The following ZFC3H1 variants were observed in gnomAD, a reference collection of about 807,000 sequenced individuals.
ZFC3H1 encodes the protein zinc finger C3H1-type containing.
ZFC3H1 carries 71 observed loss-of-function variants against 243.7 expected under a neutral mutation model. The ratio of observed to expected loss-of-function variants is 0.29; its 90% CI spans 0.24 to 0.36. The LOEUF is 0.36. ZFC3H1 is among the 10% of genes least tolerant of loss of function. ZFC3H1 has a pLI of 1.00. For missense variants in ZFC3H1, 1,966 were observed against 2,317.1 expected, an observed-to-expected ratio of 0.85 and a Z score of 3.11; for synonymous variants, 838 against 813.0, an observed-to-expected ratio of 1.03 and a Z score of -0.52.
Position 71,630,738 on chromosome 12 carries a change from C to A in ZFC3H1, c.3603-17G>T, listed in dbSNP as rs1592591487. On this transcript the variant is annotated splice_polypyrimidine_tract_variant and intron_variant, in intron 17 of 34. Coordinates refer to ENST00000378743, the MANE Select transcript of ZFC3H1 (RefSeq NM_144982.5). ...ATATGCTGCCTAAGATAAAAAAAAA[C>A]ACAGAAAAGATAATCATGTACATAT... The A allele has an allele frequency of 1.9e-6, 3 of 1,602,540 alleles. No individual in the cohort carries two copies. Among genetic ancestry groups the A allele is most frequent in the East Asian group, 4.5e-5 (2 of 44,740 alleles).
intron 27 of ZFC3H1, among the ~76,000 whole-genome samples, chr12:71,619,025 T>C (rs191517310): frequency 2.5e-4 from 38 of 152,292 alleles, no homozygotes; most frequent in Non-Finnish European, 4.4e-4. Context: ...TGCTATAATA[T>C]TAAGTACTAA....
intron 24 of ZFC3H1, among the ~76,000 whole-genome samples, chr12:71,623,061 T>C (rs1018809591): frequency 6.6e-6 from 1 of 152,166 alleles, no homozygotes; most frequent in Middle Eastern, 3.2e-3. Context: ...GTTCTCTGAT[T>C]TAATCAATTC....
chr12:71,633,859 T>C (rs1040869433), intron 12 of ZFC3H1, among the ~76,000 whole-genome samples: 1 of 152,192 alleles, frequency 6.6e-6, no homozygotes, highest in Admixed American at 6.5e-5. Flanking sequence ...GGTTTCACCG[T>C]GTTGGCCAGG....
rs117559320 is a variant in ZFC3H1 at position 71,624,390 on chromosome 12, T to A, written c.4318-98A>T. ...CATTAAGAAACCATCTCATAGTAAA[T>A]CTTCAACTTCTGCAAAAAGGATTAC... On this transcript the variant is annotated intron_variant, in intron 22 of 34. Coordinates refer to ENST00000378743, the MANE Select transcript of ZFC3H1 (RefSeq NM_144982.5). 5,372 of 1,259,026 alleles carry A rather than the reference T, an allele frequency of 4.3e-3. 27 individuals are homozygous for A. The highest frequency in any genetic ancestry group is 5.3e-3 in the Non-Finnish European group (4,829 of 918,530). The allele number at this position is 1,259,026 out of a possible 1,614,324, so 78.0% of individuals were successfully genotyped here.
chr12:71,625,571 G>A (rs1166288684), intron 22 of ZFC3H1, among the ~76,000 whole-genome samples: 1 of 152,058 alleles, frequency 6.6e-6, no homozygotes, highest in Admixed American at 6.6e-5. Flanking sequence ...ACGCATGTGT[G>A]GCCCCAGCTT....
chr12:71,634,743 T>A lies in ZFC3H1; in HGVS notation c.2321A>T (p.Lys774Met). The change falls in exon 11 of 35, where the codon AAG becomes ATG. Residue 774 changes from lysine (K) to methionine (M), a missense_variant. By Grantham distance (95) the Lys-to-Met change is moderately conservative (BLOSUM62 -1). Around this residue, in one of 4 missense-constraint regions of ZFC3H1, gnomAD observed 1,383 missense variants for 1,723.7 expected, o/e 0.80. Transcript: ENST00000378743. ...CTTTAACAATCTATATTCAATCTTCTTTTCTTCAGGCAAAGCCTCCGGTGT... is the reference window on the plus strand; with the variant it reads ...CTTTAACAATCTATATTCAATCTTCATTTCTTCAGGCAAAGCCTCCGGTGT... ...LRTPEALPEEKKIEYRLLKEE... is the reference protein window; with the variant it reads ...LRTPEALPEEMKIEYRLLKEE... 1 of 1,606,440 alleles carries A rather than the reference T, an allele frequency of 6.2e-7. No individual in the cohort carries two copies. The highest frequency in any genetic ancestry group is 8.5e-7 in the Non-Finnish European group (1 of 1,177,358).
intron 21 of ZFC3H1, among the ~76,000 whole-genome samples, chr12:71,627,484 T>C (rs1291229554): frequency 1.3e-5 from 2 of 152,214 alleles, no homozygotes; most frequent in Non-Finnish European, 2.9e-5. Context: ...CTGTTTTAAC[T>C]AATCCTACTT....
chr12:71,636,525 G>C lies in ZFC3H1; in HGVS notation c.2065C>G (p.His689Asp). ...GTTCGTGGAAGACGGGGTCCTCTGT[G>C]AAACTTTGGATTCTGTATCCTAGGC... is the stretch of plus-strand genomic sequence containing the variant. ...SQPRIQNPKF[H>D]RGPRLPRTVI... The change falls in exon 9 of 35, where the codon CAC (histidine) becomes GAC (aspartate). Residue 689 changes from histidine to aspartate, a missense_variant. This residue lies in a region of ZFC3H1 where 1,383 missense variants were observed against 1,723.7 expected (regional missense o/e 0.80). Transcript: ENST00000378743. The C allele has an allele frequency of 6.2e-7, 1 of 1,609,536 alleles. No homozygotes were observed. Among genetic ancestry groups the C allele is most frequent in the Non-Finnish European group, 8.5e-7 (1 of 1,178,260 alleles).
intron 2 of ZFC3H1, among the ~76,000 whole-genome samples, chr12:71,650,467 TTG>T (rs1395101710): frequency 2.6e-5 from 4 of 151,770 alleles, no homozygotes; most frequent in African/African-American, 9.7e-5. Context: ...AACACTGTTC[TTG>T]TCACACAGTA....
chr12:71,626,276 T>C lies in ZFC3H1; in HGVS notation c.4301A>G (p.Tyr1434Cys). ...CETAVEYAPD[Y>C]QSFWTFLHLE... ...TCTACTCACAGTCCAAAAGCTTTGA[T>C]AATCTGGAGCATATTCAACAGCTGT... Residue 1434 changes from tyrosine (Y) to cysteine (C), a missense_variant, in exon 22 of 35, where the codon TAT (tyrosine) becomes TGT (cysteine). Around this residue, in one of 4 missense-constraint regions of ZFC3H1, gnomAD observed 1,383 missense variants for 1,723.7 expected, o/e 0.80. Transcript: ENST00000378743. 4.3e-6 allele frequency: 7 copies of C among 1,613,908 alleles called. No individual in the cohort carries two copies. The highest frequency in any genetic ancestry group is 5.9e-6 in the Non-Finnish European group (7 of 1,179,948).
chr12:71,655,821 G>GA (rs1881002080), intron 2 of ZFC3H1, among the ~76,000 whole-genome samples: 1 of 151,396 alleles, frequency 6.6e-6, no homozygotes, highest in African/African-American at 2.4e-5. Context: ...AGGAAAAAGA[G>GA]GGGGGGGAAA....
chr12:71,617,935 C>T (rs1289575483), intron 27 of ZFC3H1, among the ~76,000 whole-genome samples: 1 of 152,022 alleles, frequency 6.6e-6, no homozygotes, highest in Admixed American at 6.6e-5. Flanking sequence ...GGAATAGTGT[C>T]CCCAAATCTT....
At chr12:71,656,653 T>A (rs954898666) in intron 2 of ZFC3H1, 1 of 585,010 alleles carries the variant, frequency 1.7e-6, no homozygotes, top group Non-Finnish European at 3.0e-6. Context: ...TTATCACTTA[T>A]GTATAACATT....
chr12:71,644,348 ATC>A (rs1323071583), intron 4 of ZFC3H1, 30 bp from the exon 5 acceptor site: 20 of 1,592,674 alleles, frequency 1.3e-5, no homozygotes, highest in East Asian at 2.2e-5. Context: ...AAACATTAGC[ATC>A]TGTTAGGAGA....
Position 71,663,283 on chromosome 12 carries a change from A to C in ZFC3H1, c.328T>G (p.Phe110Val), listed in dbSNP as rs1881238537. The C allele has an allele frequency of 6.2e-7, 1 of 1,613,532 alleles. No individual in the cohort carries two copies. Among genetic ancestry groups the C allele is most frequent in the South Asian group, 1.1e-5 (1 of 91,080 alleles). Residue 110 changes from phenylalanine (F) to valine (V), a missense_variant, in exon 1 of 35, where the codon TTC becomes GTC. Phe to Val is a conservative substitution (Grantham distance 50). This residue lies in a region of ZFC3H1 where 484 missense variants were observed against 449.7 expected (regional missense o/e 1.08). Transcript: ENST00000378743. The part of the protein sequence containing the change: ...GPSSYRPKEP[F>V]RSHPPSVRMP... ...CGTACAGAAGGCGGATGAGACCGGAACGGTTCTTTGGGTCGGTAGCTGCTG... is the reference window on the plus strand; with the variant it reads ...CGTACAGAAGGCGGATGAGACCGGACCGGTTCTTTGGGTCGGTAGCTGCTG...
chr12:71,647,850 A>C (rs753673634), intron 2 of ZFC3H1, 37 bp from the exon 3 acceptor site: 5 of 818,190 alleles, frequency 6.1e-6, no homozygotes, highest in Non-Finnish European at 9.4e-6. Context: ...ATAATCCAAA[A>C]GATAGCCACA....
At position 71,637,073 on chromosome 12, in the gene ZFC3H1, A is replaced by C. The variant is rs1332441636; in HGVS notation, c.1726-14T>G. The C allele has an allele frequency of 1.3e-6, 2 of 1,597,636 alleles. No homozygotes were observed. The highest frequency in any genetic ancestry group is 1.4e-5 in the African/African-American group (1 of 73,826). ...AGGTGGCAGAGACTATTTTTTAAAAAAAGAAAGAATTACAACGCAAATTTT... is the reference window on the plus strand; with the variant it reads ...AGGTGGCAGAGACTATTTTTTAAAACAAGAAAGAATTACAACGCAAATTTT... On this transcript the variant is annotated splice_polypyrimidine_tract_variant and intron_variant, in intron 7 of 34. Transcript: ENST00000378743.
chr12:71,630,608 G>T lies in ZFC3H1; in HGVS notation c.3716C>A (p.Ala1239Asp), dbSNP rs1283429689. The T allele has an allele frequency of 3.7e-6, 6 of 1,603,072 alleles. No homozygotes were observed. Among genetic ancestry groups the T allele is most frequent in the Non-Finnish European group, 8.5e-7 (1 of 1,177,154 alleles). The stretch of plus-strand genomic sequence containing the variant: ...AGGAAGTCTTTAAAAACCTGCTGAA[G>T]CAGTAATTTCTTCATTAGTACTTGT... ...AETSTNEEITASAEKYVEKLF... is the reference protein window; with the variant it reads ...AETSTNEEITDSAEKYVEKLF... The change falls in exon 18 of 35, where the codon GCT becomes GAT. Residue 1239 changes from alanine (A) to aspartate (D), a missense_variant. Transcript: ENST00000378743.
chr12:71,634,029 C>A (rs1159589817), intron 12 of ZFC3H1, 126 bp downstream of exon 12: 2 of 960,372 alleles, frequency 2.1e-6, no homozygotes, highest in Non-Finnish European at 3.0e-6. Flanking sequence ...TGACAGACTT[C>A]TACATTCTAC....
Sources: gnomAD v4.1 joint callset for allele counts (sites outside exome capture counted in the v4.1 genomes callset) on GRCh38, gnomAD v4.1.1 for gene constraint, gnomAD v4.1.1 regional missense constraint, MANE v1.5 for transcripts, NCBI Gene and HGNC (gene_info 2026-07-23, HGNC 2026-07-21) for gene names.